Variants in CNBD1 observed in about 807,000 individuals in gnomAD.
CNBD1 encodes cyclic nucleotide binding domain containing 1.
Under a neutral mutation model 54.4 loss-of-function variants are expected in CNBD1, and 71 were observed. That is an observed-to-expected ratio of 1.30 (90% confidence interval 1.08 to 1.59). The LOEUF (loss-of-function observed/expected upper bound fraction) is 1.59, where lower values mean the gene tolerates loss of function less well. Ranked by LOEUF, CNBD1 falls within the 40% of genes most tolerant of loss-of-function variation. The pLI is 0.00. For synonymous variants in CNBD1, 182 were observed against 170.7 expected, an observed-to-expected ratio of 1.07 and a Z score of -0.51; for missense variants, 659 against 518.0, an observed-to-expected ratio of 1.27 and a Z score of -2.64.
chr8:86,901,601 C>T (rs1808933879), intron 2 of CNBD1, among the ~76,000 whole-genome samples: 1 of 152,146 alleles, frequency 6.6e-6, no homozygotes, highest in Admixed American at 6.6e-5. Context: ...TTCTTTCCCA[C>T]ATAATGCTAT....
chr8:87,138,057 C>T (rs1163103444), intron 4 of CNBD1, among the ~76,000 whole-genome samples: 1 of 152,094 alleles, frequency 6.6e-6, no homozygotes, highest in Non-Finnish European at 1.5e-5. Flanking sequence ...CTTAAAATGT[C>T]AATTCTTTTC....
rs368789383 is a variant in CNBD1, at chr8:87,398,811, A to G, written c.214-29735A>G. Among the ~76,000 whole-genome samples, 4 of 152,116 alleles carry G rather than the reference A, an allele frequency of 2.6e-5. No individual in the cohort carries two copies. The East Asian group carries it at 7.8e-4, about 30-fold the overall frequency. On this transcript the variant is annotated intron_variant, in intron 2 of 7. Coordinates refer to the CNBD1 transcript ENST00000521593. The stretch of plus-strand genomic sequence containing the variant: ...ACATGCCATTTTTAAAGTTTCTCCT[A>G]GGACTTATTGGGCTTTAACTCTATT...
At chr8:87,367,856 T>C (rs555265336) in intron 10 of CNBD1, among the ~76,000 whole-genome samples, 2 of 152,046 alleles carry the variant, frequency 1.3e-5, no homozygotes, top group African/African-American at 2.4e-5. Context: ...GAACCATAGA[T>C]TGTCTCAGCA....
At chr8:87,062,724 G>A (rs1465026796) in intron 4 of CNBD1, among the ~76,000 whole-genome samples, 1 of 150,068 alleles carries the variant, frequency 6.7e-6, no homozygotes, top group Non-Finnish European at 1.5e-5. Flanking sequence ...CCACAAGAGC[G>A]AAACTCCATC....
chr8:86,916,386 T>C (rs1352891104), intron 3 of CNBD1, among the ~76,000 whole-genome samples: 1 of 152,122 alleles, frequency 6.6e-6, no homozygotes, highest in Non-Finnish European at 1.5e-5. Flanking sequence ...TTGCATTCCT[T>C]CTCCCCTGGT....
At chr8:86,997,703 C>A (rs910185798) in intron 4 of CNBD1, among the ~76,000 whole-genome samples, 2 of 152,088 alleles carry the variant, frequency 1.3e-5, no homozygotes, top group Non-Finnish European at 2.9e-5. Context: ...ACCTTTATTG[C>A]AGTAGCCTTC....
Position 87,087,629 on chromosome 8 carries a change from A to ATT in CNBD1, c.432-118355_432-118354dup, listed in dbSNP as rs536774967. Among the ~76,000 whole-genome samples, 359 of 147,128 alleles carry ATT rather than the reference A, an allele frequency of 2.4e-3. 10 individuals are homozygous for ATT. The East Asian group carries it at 0.064, about 26-fold the overall frequency. ...CAGGCGCCAGCCACCACGCCCGGCTATTTTTTTTTTGTATTTTTAGTAGAG... is the reference window on the plus strand; with the variant it reads ...CAGGCGCCAGCCACCACGCCCGGCTATTTTTTTTTTTTGTATTTTTAGTAGAG... On this transcript the variant is annotated intron_variant, in intron 4 of 10. Coordinates refer to ENST00000518476, the MANE Select transcript of CNBD1 (RefSeq NM_173538.3).
At chr8:87,176,829 C>G (rs1268668777) in intron 4 of CNBD1, among the ~76,000 whole-genome samples, 1 of 151,954 alleles carries the variant, frequency 6.6e-6, no homozygotes. Flanking sequence ...TTTGTTTATT[C>G]TTATTATTTC....
Position 87,377,242 on chromosome 8 carries a change from G to A in CNBD1, c.1304-5378G>A, listed in dbSNP as rs545687248. Among the ~76,000 whole-genome samples, 18 of 150,962 alleles carry A rather than the reference G, an allele frequency of 1.2e-4. No homozygotes were observed. The South Asian group carries it at 1.3e-3, about 11-fold the overall frequency. ...ATGTATACATGTGCCATGCTGGTGC[G>A]CTGCACCCACTAACTCATCATCTAG... On this transcript the variant is annotated intron_variant, in intron 10 of 10. Coordinates refer to ENST00000518476, the MANE Select transcript of CNBD1 (RefSeq NM_173538.3).
chr8:87,326,904 T>C (rs1334317647), intron 8 of CNBD1, among the ~76,000 whole-genome samples: 1 of 83,170 alleles, frequency 1.2e-5, no homozygotes, highest in Non-Finnish European at 2.5e-5. Context: ...TTCCAGTTTT[T>C]CTGTTCTGTT....
At chr8:87,132,603 A>T (rs1006468889) in intron 4 of CNBD1, among the ~76,000 whole-genome samples, 1 of 148,128 alleles carries the variant, frequency 6.8e-6, no homozygotes, top group Non-Finnish European at 1.5e-5. Flanking sequence ...CTTATATATC[A>T]AGATATATAT....
chr8:87,121,897 T>A (rs557297441), intron 4 of CNBD1, among the ~76,000 whole-genome samples: 1 of 151,472 alleles, frequency 6.6e-6, no homozygotes, highest in Non-Finnish European at 1.5e-5. Context: ...TATATATATA[T>A]ACACACACAT....
chr8:87,002,811 C>A (rs1219680511), intron 4 of CNBD1, among the ~76,000 whole-genome samples: 15 of 152,040 alleles, frequency 9.9e-5, no homozygotes, highest in Admixed American at 9.8e-4. Flanking sequence ...GTTTATCTGT[C>A]TCCTCTTTCT....
At chr8:86,929,342 C>T (rs185725347) in intron 3 of CNBD1, among the ~76,000 whole-genome samples, 1 of 152,088 alleles carries the variant, frequency 6.6e-6, no homozygotes, top group African/African-American at 2.4e-5. Context: ...TTCTTTTTTC[C>T]CTTCTCAGTT....
intron 2 of CNBD1, among the ~76,000 whole-genome samples, chr8:87,411,840 A>G (rs190271132): frequency 6.6e-5 from 10 of 152,060 alleles, no homozygotes; most frequent in African/African-American, 2.2e-4. Flanking sequence ...TCATTTTTCA[A>G]TAATAATATA....
chr8:87,319,844 A>G (rs1809481489), intron 8 of CNBD1, among the ~76,000 whole-genome samples: 1 of 152,116 alleles, frequency 6.6e-6, no homozygotes, highest in Non-Finnish European at 1.5e-5. Context: ...GATAAGTGAT[A>G]AAGGTAATGT....
At chr8:87,105,285 A>G (rs1042128301) in intron 4 of CNBD1, among the ~76,000 whole-genome samples, 3 of 152,214 alleles carry the variant, frequency 2.0e-5, no homozygotes, top group Non-Finnish European at 4.4e-5. Flanking sequence ...ATAGATGACT[A>G]TTTCAAATAG....
At chr8:87,335,332 G>A (rs965944519) in intron 8 of CNBD1, among the ~76,000 whole-genome samples, 1 of 152,044 alleles carries the variant, frequency 6.6e-6, no homozygotes, top group African/African-American at 2.4e-5. Context: ...TTACTGTGTG[G>A]GAGACTAAGT....
intron 2 of CNBD1, among the ~76,000 whole-genome samples, chr8:87,399,231 C>T (rs1563587227): frequency 6.6e-6 from 1 of 151,866 alleles, no homozygotes; most frequent in Non-Finnish European, 1.5e-5. Flanking sequence ...AGACATGGTA[C>T]TCAATAAGTA....
Sources: allele counts gnomAD v4.1 joint callset (sites outside exome capture counted in the v4.1 genomes callset), GRCh38; gene constraint gnomAD v4.1.1; transcripts MANE v1.5; gene names NCBI Gene and HGNC (gene_info 2026-07-23, HGNC 2026-07-21).